The following SSR2 variants were observed in gnomAD, a reference collection of about 807,000 sequenced individuals.
SSR2 encodes signal sequence receptor subunit 2, also known as translocon-associated protein subunit beta.
Under a neutral mutation model 22.6 loss-of-function variants are expected in SSR2, and 16 were observed. The observed-to-expected ratio is 0.71, with a 90% CI of 0.48 to 1.08. The LOEUF is 1.08. SSR2 is among the 50% of genes least tolerant of loss of function. The pLI is 0.00. For synonymous variants in SSR2, 83 were observed against 91.2 expected (o/e 0.91, Z 0.51); for missense variants, 171 against 221.6 (o/e 0.77, Z 1.45).
intron 4 of SSR2, 188 bp downstream of exon 4, chr1:156,014,773 C>T (rs1683027088): frequency 2.0e-6 from 1 of 506,824 alleles, no homozygotes; most frequent in African/African-American, 1.9e-5. Flanking sequence ...AACTCCTGAC[C>T]TTAGGTGATC....
At chr1:156,019,319 G>C (rs1029213096) in intron 2 of SSR2, 1 of 395,288 alleles carries the variant, frequency 2.5e-6, no homozygotes, top group African/African-American at 2.1e-5. Flanking sequence ...AGAGGAGAAA[G>C]TTATAAGGGA....
chr1:156,020,911 C>T lies in SSR2; in HGVS notation c.-24G>A. 1 of 471,344 alleles carries T rather than the reference C, an allele frequency of 2.1e-6. No homozygotes were observed. 29.2% of individuals were successfully genotyped at this position (471,344 alleles called of 1,614,324 possible). ...ACCGTTGGCATCCCAAACGCCTTTC[C>T]GGAGCCACAAAGACAGGAAGAGAGC... On this transcript the variant is annotated 5_prime_UTR_variant, in exon 1 of 6. Transcript: ENST00000295702.
intron 4 of SSR2, chr1:156,013,722 G>C (rs1315665795): frequency 1.3e-5 from 2 of 153,612 alleles, no homozygotes; most frequent in African/African-American, 4.8e-5. Context: ...GACTACTGGA[G>C]GGGGGTGCAG....
In SSR2 at chr1:156,015,571, A is replaced by T. The variant is rs867731286; in HGVS notation, c.255-502T>A. Among the ~76,000 whole-genome samples the T allele has an allele frequency of 3.8e-5, 5 of 133,112 alleles. No individual in the cohort carries two copies. In the South Asian group the frequency reaches 1.2e-3, roughly 32 times the overall value. The allele number at this position is 133,112 out of a possible 152,430, so 87.3% of individuals were successfully genotyped here. ...ATATATATATATAGGCTTCTTTTTAAAATTTACTGATTTTTTTAAATATTA... is the reference window on the plus strand; with the variant it reads ...ATATATATATATAGGCTTCTTTTTATAATTTACTGATTTTTTTAAATATTA... On this transcript the variant is annotated intron_variant, in intron 3 of 5. Coordinates refer to ENST00000295702, the MANE Select transcript of SSR2 (RefSeq NM_003145.4).
intron 2 of SSR2, among the ~76,000 whole-genome samples, chr1:156,018,580 C>T (rs964054825): frequency 6.6e-6 from 1 of 150,900 alleles, no homozygotes; most frequent in South Asian, 2.1e-4. Context: ...CGGTGGTGAG[C>T]GCCTGTAATC....
chr1:156,009,275 G>T lies in SSR2; in HGVS notation c.*265C>A, dbSNP rs1250460677. On this transcript the variant is annotated 3_prime_UTR_variant, in exon 6 of 6. Coordinates refer to ENST00000295702, the MANE Select transcript of SSR2 (RefSeq NM_003145.4). ...GCAATAAACCAACAGCACCTCAGTG[G>T]GGCATCAGAGGGCCCTCTAGGCTCA... The T allele has an allele frequency of 2.4e-5, 9 of 378,018 alleles. No individual in the cohort carries two copies. Among genetic ancestry groups the T allele is most frequent in the Non-Finnish European group, 3.3e-5 (7 of 210,194 alleles). 23.4% of individuals were successfully genotyped at this position (378,018 alleles called of 1,614,324 possible). A position where few individuals can be genotyped will look rare whatever the true frequency, so the allele number is the denominator to read the frequency against.
At position 156,009,117 on chromosome 1, in the gene SSR2, G is replaced by A. The variant is rs1682945886; in HGVS notation, c.*423C>T. On this transcript the variant is annotated 3_prime_UTR_variant, in exon 6 of 6. Transcript: ENST00000295702. The stretch of plus-strand genomic sequence containing the variant: ...TTCTCTAACCCAGAATAGACACTGG[G>A]TATCCTCCAAGAGTCCCATAGCTTT... 6.1e-6 allele frequency: 1 copy of A among 165,212 alleles called. No individual in the cohort carries two copies. The allele number at this position is 165,212 out of a possible 1,614,324, so 10.2% of individuals were successfully genotyped here.
chr1:156,018,237 C>CA, intron 3 of SSR2, 33 bp downstream of exon 3: 2 of 1,567,386 alleles, frequency 1.3e-6, no homozygotes, highest in Non-Finnish European at 1.8e-6. Flanking sequence ...TCCCTGCCCC[C>CA]CGACCCTTCA....
chr1:156,012,096 A>G, intron 4 of SSR2: 1 of 473,220 alleles, frequency 2.1e-6, no homozygotes, highest in Admixed American at 3.5e-5. Flanking sequence ...AAAGAGGAGT[A>G]CCTAGGAGCC....
Position 156,009,262 on chromosome 1 carries a change from C to T in SSR2, c.*278G>A, listed in dbSNP as rs1443086363. 3 of 343,130 alleles carry T rather than the reference C, an allele frequency of 8.7e-6. No individual in the cohort carries two copies. Among genetic ancestry groups the T allele is most frequent in the South Asian group, 3.5e-5 (1 of 28,772 alleles). The allele number at this position is 343,130 out of a possible 1,614,324, so 21.3% of individuals were successfully genotyped here. A position where few individuals can be genotyped will look rare whatever the true frequency, so the allele number is the denominator to read the frequency against. On this transcript the variant is annotated 3_prime_UTR_variant, in exon 6 of 6. Coordinates refer to ENST00000295702, the MANE Select transcript of SSR2 (RefSeq NM_003145.4). ...ATTCACGTTGCCAGCAATAAACCAA[C>T]AGCACCTCAGTGGGGCATCAGAGGG...
chr1:156,020,226 C>T, intron 1 of SSR2, 59 bp from the exon 2 acceptor site: 4 of 1,585,726 alleles, frequency 2.5e-6, no homozygotes, highest in Non-Finnish European at 3.4e-6. Flanking sequence ...CACCAAAATC[C>T]TCTTGACAGC....
chr1:156,020,069 G>GT lies in SSR2; in HGVS notation c.98dup (p.Tyr33Ter). The GT allele has an allele frequency of 6.2e-7, 1 of 1,614,090 alleles. No homozygotes were observed. Among genetic ancestry groups the GT allele is most frequent in the Non-Finnish European group, 8.5e-7 (1 of 1,180,014 alleles). The change falls in exon 2 of 6, where the codon TAC (tyrosine) becomes TAAC (stop). Residue 33 changes from tyrosine (Y) to a stop codon, truncating the protein, a stop_gained and frameshift_variant. Transcript: ENST00000295702. LOFTEE classifies it high-confidence loss of function. ...LLASKSLLNR[Y>*]AVEGRDLTLQ... Reference sequence around the variant, plus strand: ...AGGTCAGGTCTCGTCCCTCCACGGCGTATCTGTTCAGCAGTGATTTGGAAG... The same window carrying GT: ...AGGTCAGGTCTCGTCCCTCCACGGCGTTATCTGTTCAGCAGTGATTTGGAAG...
intron 5 of SSR2, 90 bp from the exon 6 acceptor site, chr1:156,009,740 A>T: frequency 1.3e-6 from 1 of 792,996 alleles, no homozygotes; most frequent in Non-Finnish European, 2.0e-6. Context: ...GAAAGGGAGC[A>T]GTCTAGCCCA....
chr1:156,013,181 T>G (rs566912484), intron 4 of SSR2: 2 of 152,190 alleles, frequency 1.3e-5, no homozygotes, highest in African/African-American at 4.8e-5. Context: ...GTAATCCCAG[T>G]ACTTTGGGAG....
At chr1:156,009,985 G>A (rs1457909455) in intron 5 of SSR2, among the ~76,000 whole-genome samples, 1 of 151,924 alleles carries the variant, frequency 6.6e-6, no homozygotes, top group East Asian at 1.9e-4. Context: ...TGTTGGTCAG[G>A]CTGGTCTTGA....
At chr1:156,013,145 G>C (rs920928991) in intron 4 of SSR2, 4 of 152,302 alleles carry the variant, frequency 2.6e-5, no homozygotes, top group African/African-American at 7.2e-5. Context: ...AGAATGAATA[G>C]TGGCCGGGCA....
At chr1:156,014,364 GCCTC>G (rs1371130839) in intron 4 of SSR2, 1 of 152,200 alleles carries the variant, frequency 6.6e-6, no homozygotes, top group African/African-American at 2.4e-5. Flanking sequence ...ACCTGCCTTG[GCCTC>G]CCAAAGTACT....
rs1572254438 is a variant in SSR2 at position 156,009,456 on chromosome 1, T to C, written c.*84A>G. On this transcript the variant is annotated 3_prime_UTR_variant, in exon 6 of 6. Transcript: ENST00000295702. ...AAGAGAGAAGAGATTGCATTTAAGA[T>C]ACCCTTTGGAGTCTGGAAAGCACCT... 2.9e-6 allele frequency: 3 copies of C among 1,041,442 alleles called. No homozygotes were observed. The East Asian group carries it at 7.1e-5, about 25-fold the overall frequency. The allele number at this position is 1,041,442 out of a possible 1,614,324, so 64.5% of individuals were successfully genotyped here.
intron 3 of SSR2, among the ~76,000 whole-genome samples, chr1:156,016,157 A>C (rs1421438928): frequency 6.6e-6 from 1 of 152,220 alleles, no homozygotes; most frequent in African/African-American, 2.4e-5. Context: ...CATCTCAAAA[A>C]AAAAATTACA....
Sources: allele counts gnomAD v4.1 joint callset (sites outside exome capture counted in the v4.1 genomes callset), GRCh38; gene constraint gnomAD v4.1.1; transcripts MANE v1.5; gene names NCBI Gene and HGNC (gene_info 2026-07-23, HGNC 2026-07-21).